Variants in VTI1A observed in about 807,000 individuals in gnomAD.
VTI1A encodes vesicle transport through interaction with t-SNAREs 1A.
VTI1A carries 22 observed loss-of-function variants against 34.9 expected under a neutral mutation model. The observed-to-expected ratio is 0.63, with a 90% CI of 0.45 to 0.90. VTI1A has a LOEUF of 0.90. Among genes scored for constraint, VTI1A ranks in the 40% least tolerant of loss-of-function variants. The probability of loss-of-function intolerance (pLI) is 0.00; values close to 1 mark genes in which losing one functional copy is unlikely to be tolerated. For missense variants in VTI1A, 268 were observed against 275.6 expected (o/e 0.97, Z 0.20); for synonymous variants, 87 against 97.3 (o/e 0.89, Z 0.62).
At chr10:112,775,437 C>A (rs905924009) in intron 7 of VTI1A, among the ~76,000 whole-genome samples, 2 of 152,184 alleles carry the variant, frequency 1.3e-5, no homozygotes, top group African/African-American at 4.8e-5. Flanking sequence ...AAGTAAGGAA[C>A]CATCCTAGAA....
At chr10:112,771,279 C>T (rs1009909331) in intron 7 of VTI1A, among the ~76,000 whole-genome samples, 7 of 152,352 alleles carry the variant, frequency 4.6e-5, no homozygotes, top group African/African-American at 1.4e-4. Context: ...CTGTACAACA[C>T]GCAGTGTGGA....
intron 7 of VTI1A, among the ~76,000 whole-genome samples, chr10:112,772,663 A>T (rs1481331267): frequency 6.6e-6 from 1 of 152,232 alleles, no homozygotes; most frequent in African/African-American, 2.4e-5. Context: ...AGGGAATTAT[A>T]ATTTTGGCTC....
intron 5 of VTI1A, among the ~76,000 whole-genome samples, chr10:112,606,021 CTTTTTTTCTTTTTT>C (rs1391269321): frequency 9.8e-6 from 1 of 102,490 alleles, no homozygotes; most frequent in Non-Finnish European, 2.0e-5. Flanking sequence ...TTCTTTTTTT[CTTTTTTTCTTTTTT>C]TTTTTTGAGA....
chr10:112,661,264 C>T (rs1253590497), intron 5 of VTI1A, among the ~76,000 whole-genome samples: 1 of 152,138 alleles, frequency 6.6e-6, no homozygotes, highest in African/African-American at 2.4e-5. Flanking sequence ...ATTATAGGCA[C>T]ATACCATCAC....
At chr10:112,454,300 A>G (rs970644569) in intron 1 of VTI1A, among the ~76,000 whole-genome samples, 5 of 152,218 alleles carry the variant, frequency 3.3e-5, no homozygotes, top group African/African-American at 1.2e-4. Context: ...GAATTATACT[A>G]TGCAAAGACT....
At chr10:112,709,487 C>T (rs1239694338) in intron 7 of VTI1A, among the ~76,000 whole-genome samples, 4 of 151,922 alleles carry the variant, frequency 2.6e-5, no homozygotes, top group South Asian at 2.1e-4. Context: ...CTCAGCCAGC[C>T]GGAACTGCTC....
At chr10:112,649,912 A>G (rs1271225451) in intron 5 of VTI1A, among the ~76,000 whole-genome samples, 1 of 152,226 alleles carries the variant, frequency 6.6e-6, no homozygotes, top group African/African-American at 2.4e-5. Flanking sequence ...ATGAATATGA[A>G]TAGAGGTTAA....
intron 5 of VTI1A, chr10:112,548,679 C>T: frequency 1.6e-6 from 2 of 1,223,306 alleles, no homozygotes; most frequent in Non-Finnish European, 2.4e-6. Context: ...CCAGCTCCAG[C>T]AGCCTTCTTG....
chr10:112,795,681 C>T (rs1001354524), intron 7 of VTI1A, among the ~76,000 whole-genome samples: 1 of 152,102 alleles, frequency 6.6e-6, no homozygotes, highest in Admixed American at 6.6e-5. Context: ...AGGTGATCCG[C>T]CCACCTCGGC....
intron 5 of VTI1A, among the ~76,000 whole-genome samples, chr10:112,607,428 A>G (rs1337261769): frequency 6.6e-6 from 1 of 152,148 alleles, no homozygotes; most frequent in Non-Finnish European, 1.5e-5. Context: ...TGTTCACTGC[A>G]CTGTACCCAC....
At position 112,662,965 on chromosome 10, in the gene VTI1A, G is replaced by A. The variant is rs573737731; in HGVS notation, c.428-5253G>A. The stretch of plus-strand genomic sequence containing the variant: ...CAAACAAACAAAACATATTGTCAAT[G>A]TTTGAGCTGGAGTTGGTTGATCTGC... On this transcript the variant is annotated intron_variant, in intron 5 of 7. Transcript: ENST00000393077. 1.1e-4 allele frequency among the ~76,000 whole-genome samples: 17 copies of A among 152,236 alleles called. No individual in the cohort carries two copies. In the East Asian group the frequency reaches 3.1e-3, roughly 28 times the overall value.
intron 3 of VTI1A, among the ~76,000 whole-genome samples, chr10:112,526,752 G>A (rs1850241034): frequency 6.6e-6 from 1 of 151,872 alleles, no homozygotes; most frequent in South Asian, 2.1e-4. Context: ...AATCTAGTGA[G>A]TTTTACAGAC....
At chr10:112,666,599 T>C (rs1847649679) in intron 5 of VTI1A, among the ~76,000 whole-genome samples, 1 of 152,176 alleles carries the variant, frequency 6.6e-6, no homozygotes, top group African/African-American at 2.4e-5. Context: ...TCTTACATAC[T>C]GTATCATGAC....
chr10:112,505,467 C>T (rs970198013), intron 3 of VTI1A, among the ~76,000 whole-genome samples: 3 of 152,116 alleles, frequency 2.0e-5, no homozygotes, highest in African/African-American at 7.2e-5. Context: ...TTTTATGCTT[C>T]TAACTTCTTT....
At chr10:112,716,448 T>C (rs1203876608) in intron 7 of VTI1A, among the ~76,000 whole-genome samples, 2 of 152,168 alleles carry the variant, frequency 1.3e-5, no homozygotes, top group East Asian at 3.9e-4. Flanking sequence ...AATTTTATTA[T>C]AAATTTGAGT....
intron 7 of VTI1A, among the ~76,000 whole-genome samples, chr10:112,795,482 T>A (rs1248950142): frequency 6.7e-6 from 1 of 148,794 alleles, no homozygotes; most frequent in Non-Finnish European, 1.5e-5. Context: ...TCACCCAGGC[T>A]GCAGTGCATT....
intron 3 of VTI1A, among the ~76,000 whole-genome samples, chr10:112,479,175 A>G (rs1848382322): frequency 6.6e-6 from 1 of 152,150 alleles, no homozygotes; most frequent in African/African-American, 2.4e-5. Flanking sequence ...CAAAAACAAA[A>G]ACAAACAAAC....
chr10:112,676,260 A>G (rs1057094766), intron 7 of VTI1A, among the ~76,000 whole-genome samples: 7 of 151,960 alleles, frequency 4.6e-5, no homozygotes, highest in African/African-American at 1.5e-4. Context: ...TGGCGCCACC[A>G]TTCCCCCTTC....
chr10:112,755,861 G>A (rs1317886552), intron 7 of VTI1A, among the ~76,000 whole-genome samples: 2 of 152,174 alleles, frequency 1.3e-5, no homozygotes, highest in Non-Finnish European at 2.9e-5. Flanking sequence ...CAGTCAGCCT[G>A]TCTGCAGTCT....
Sources: allele counts gnomAD v4.1 joint callset (sites outside exome capture counted in the v4.1 genomes callset), GRCh38; gene constraint gnomAD v4.1.1; transcripts MANE v1.5; gene names NCBI Gene and HGNC (gene_info 2026-07-23, HGNC 2026-07-21).